Variants in FRMD4A observed in about 807,000 individuals in gnomAD.
FRMD4A encodes FERM domain containing 4A.
A neutral mutation model predicts 129.1 loss-of-function variants in FRMD4A; 29 were observed. The ratio of observed to expected loss-of-function variants is 0.22; its 90% CI spans 0.17 to 0.31. The LOEUF (loss-of-function observed/expected upper bound fraction) is 0.31. FRMD4A is among the 10% of genes least tolerant of loss of function. The pLI is 1.00. For missense variants in FRMD4A, 1,272 were observed against 1,375.8 expected, an observed-to-expected ratio of 0.92 and a Z score of 1.19; for synonymous variants, 634 against 571.6, an observed-to-expected ratio of 1.11 and a Z score of -1.56.
chr10:13,889,160 A>C (rs929754690), intron 2 of FRMD4A, among the ~76,000 whole-genome samples: 8 of 152,208 alleles, frequency 5.3e-5, no homozygotes, highest in African/African-American at 1.9e-4. Context: ...CTCACCCAAC[A>C]CTTACTTAAA....
intron 14 of FRMD4A, among the ~76,000 whole-genome samples, chr10:13,696,108 A>T (rs545619959): frequency 6.6e-6 from 1 of 152,286 alleles, no homozygotes; most frequent in East Asian, 1.9e-4. Context: ...TTTTCCTTGC[A>T]TTCAGACTGA....
chr10:14,089,640 C>CAAAAAAAAAAAAAAAAAAA (rs759243260), intron 2 of FRMD4A, among the ~76,000 whole-genome samples: 1 of 70,276 alleles, frequency 1.4e-5, no homozygotes, highest in African/African-American at 5.0e-5. Flanking sequence ...CAAAAAAAAA[C>CAAAAAAAAAAAAAAAAAAA]AAACAAAAAA....
chr10:13,680,724 TA>T (rs940304464), intron 15 of FRMD4A, among the ~76,000 whole-genome samples: 192 of 148,574 alleles, frequency 1.3e-3, no homozygotes, highest in Middle Eastern at 3.5e-3. Flanking sequence ...AGACTCCATT[TA>T]AAAAAAAAAA....
intron 2 of FRMD4A, among the ~76,000 whole-genome samples, chr10:13,999,270 C>T (rs531608241): frequency 2.6e-5 from 4 of 152,082 alleles, no homozygotes; most frequent in Non-Finnish European, 5.9e-5. Flanking sequence ...CACCACTTGA[C>T]GTACTACCAA....
Position 13,657,121 on chromosome 10 carries a change from T to A in FRMD4A, c.2468A>T (p.His823Leu), listed in dbSNP as rs776667111. Residue 823 changes from histidine (H) to leucine (L), a missense_variant, in exon 22 of 25, where the codon CAC becomes CTC. Around this residue, in one of 2 missense-constraint regions of FRMD4A, gnomAD observed 972 missense variants for 892.3 expected, o/e 1.09. Coordinates refer to ENST00000357447, the MANE Select transcript of FRMD4A (RefSeq NM_018027.5). Reference sequence around the variant, plus strand: ...CTGCGAGCTGGGCTGGCTCTGGCTGTGCAGGTACACACCGCCCCCCGCGCC... The same window carrying A: ...CTGCGAGCTGGGCTGGCTCTGGCTGAGCAGGTACACACCGCCCCCCGCGCC... Reference protein sequence around the residue: ...AGGAGGGVYLHSQSQPSSQYR... With the variant: ...AGGAGGGVYLLSQSQPSSQYR... 14 of 1,549,554 alleles carry A rather than the reference T, an allele frequency of 9.0e-6. No homozygotes were observed. In the South Asian group the frequency reaches 1.6e-4, roughly 18 times the overall value.
intron 2 of FRMD4A, among the ~76,000 whole-genome samples, chr10:13,867,028 A>G (rs1477712398): frequency 1.3e-5 from 2 of 152,220 alleles, no homozygotes; most frequent in Non-Finnish European, 2.9e-5. Context: ...TATGTCTATC[A>G]TCTCACATGG....
At chr10:13,881,252 TAAAA>T (rs3032918) in intron 2 of FRMD4A, among the ~76,000 whole-genome samples, 6 of 120,284 alleles carry the variant, frequency 5.0e-5, no homozygotes, top group Admixed American at 8.4e-5. Flanking sequence ...CCCCCATCTC[TAAAA>T]AAAAAAAAAA....
intron 2 of FRMD4A, among the ~76,000 whole-genome samples, chr10:14,086,727 T>C (rs1190498082): frequency 6.6e-6 from 1 of 152,176 alleles, no homozygotes; most frequent in Admixed American, 6.5e-5. Context: ...TGTATGGGTT[T>C]TTTTTGTTAT....
intron 17 of FRMD4A, among the ~76,000 whole-genome samples, chr10:13,669,932 A>G (rs929290031): frequency 3.3e-5 from 5 of 152,256 alleles, no homozygotes; most frequent in Non-Finnish European, 5.9e-5. Flanking sequence ...GGATGTGAGT[A>G]GCCAGGTGAG....
intron 2 of FRMD4A, among the ~76,000 whole-genome samples, chr10:14,143,602 T>A (rs971289454): frequency 1.3e-5 from 2 of 152,144 alleles, no homozygotes; most frequent in Non-Finnish European, 2.9e-5. Flanking sequence ...GTTACAATAG[T>A]TTTTTGTTGT....
At chr10:13,814,691 G>GA (rs1026130961) in intron 3 of FRMD4A, among the ~76,000 whole-genome samples, 3 of 148,154 alleles carry the variant, frequency 2.0e-5, no homozygotes, top group African/African-American at 5.0e-5. Context: ...AAGAGAGAGA[G>GA]AAAAAAAAGA....
chr10:13,647,530 G>A (rs917080133), intron 24 of FRMD4A: 42 of 152,054 alleles, frequency 2.8e-4, no homozygotes, highest in Non-Finnish European at 4.1e-4. Context: ...GATGTCACTA[G>A]GAAATTTTTA....
intron 2 of FRMD4A, among the ~76,000 whole-genome samples, chr10:14,174,913 G>A (rs1841660000): frequency 6.7e-6 from 1 of 149,308 alleles, no homozygotes; most frequent in African/African-American, 2.4e-5. Flanking sequence ...GTGTGTGTGT[G>A]TGTGTGGACG....
chr10:14,276,059 T>C (rs1845328914), intron 2 of FRMD4A, among the ~76,000 whole-genome samples: 1 of 152,082 alleles, frequency 6.6e-6, no homozygotes, highest in South Asian at 2.1e-4. Context: ...ACAAACAAAA[T>C]GACAGAATGA....
chr10:13,783,399 T>C (rs2092782516), intron 5 of FRMD4A, among the ~76,000 whole-genome samples: 1 of 152,204 alleles, frequency 6.6e-6, no homozygotes, highest in Admixed American at 6.5e-5. Flanking sequence ...TCCTTTTTTT[T>C]CTTTTTTTAG....
intron 2 of FRMD4A, among the ~76,000 whole-genome samples, chr10:14,031,678 G>T (rs1035935258): frequency 2.6e-5 from 4 of 152,218 alleles, no homozygotes; most frequent in Non-Finnish European, 5.9e-5. Context: ...AGCTCTTAGA[G>T]CTGGTCTGAA....
At chr10:13,747,388 T>G in intron 9 of FRMD4A, among the ~76,000 whole-genome samples, 1 of 151,362 alleles carries the variant, frequency 6.6e-6, no homozygotes, top group East Asian at 1.9e-4. Context: ...AATACAAAAA[T>G]TAGCCAGGTG....
At chr10:13,652,096 C>T in intron 23 of FRMD4A, 122 bp from the exon 24 acceptor site, 1 of 715,718 alleles carries the variant, frequency 1.4e-6, no homozygotes, top group Non-Finnish European at 2.6e-6. Flanking sequence ...GATTAGACAC[C>T]TGAGTTAGCA....
At chr10:13,930,459 G>A (rs2095180817) in intron 2 of FRMD4A, among the ~76,000 whole-genome samples, 1 of 152,208 alleles carries the variant, frequency 6.6e-6, no homozygotes, top group Non-Finnish European at 1.5e-5. Context: ...AGTCAGAAAG[G>A]AAACCTCAGC....
Sources: gnomAD v4.1 joint callset for allele counts (sites outside exome capture counted in the v4.1 genomes callset) on GRCh38, gnomAD v4.1.1 for gene constraint, gnomAD v4.1.1 regional missense constraint, MANE v1.5 for transcripts, NCBI Gene and HGNC (gene_info 2026-07-23, HGNC 2026-07-21) for gene names.